The following CA12 variants were observed in gnomAD, a reference collection of about 807,000 sequenced individuals.
CA12 encodes the protein carbonic anhydrase 12.
CA12 carries 36 observed loss-of-function variants against 46.8 expected under a neutral mutation model. The observed-to-expected ratio is 0.77, with a 90% CI of 0.59 to 1.02. The LOEUF (loss-of-function observed/expected upper bound fraction) is 1.02. Among genes scored for constraint, CA12 ranks in the 50% least tolerant of loss-of-function variants. The pLI, the probability that CA12 is intolerant of heterozygous loss-of-function variation, is 0.00. For synonymous variants in CA12, 202 were observed against 187.0 expected (o/e 1.08, Z -0.65); for missense variants, 436 against 451.4 (o/e 0.97, Z 0.31).
rs566593715 is a variant in CA12 at position 63,356,637 on chromosome 15, C to T, written c.107-9928G>A. 9.7e-4 allele frequency among the ~76,000 whole-genome samples: 148 copies of T among 152,054 alleles called. 1 individual carries two copies. In the Middle Eastern group the frequency reaches 0.027, roughly 28 times the overall value. ...TCCTGGGTTCAAGCGATTCTCGTGC[C>T]TCAGCCTCTCACGTAGCTGGGATTA... On this transcript the variant is annotated intron_variant, in intron 2 of 10. Transcript: ENST00000178638.
In CA12 at chr15:63,330,266, C is replaced by T. The variant is rs1307275572; in HGVS notation, c.875-2136G>A. Among the ~76,000 whole-genome samples, 1 of 152,186 alleles carries T rather than the reference C, an allele frequency of 6.6e-6. No individual in the cohort carries two copies. Among genetic ancestry groups the T allele is most frequent in the African/African-American group, 2.4e-5 (1 of 41,442 alleles). ...AGCACAAGCTCTGTTTCCTGCAGGGCCTGTGGCCTCTGCACAGTGGAACTT... is the reference window on the plus strand; with the variant it reads ...AGCACAAGCTCTGTTTCCTGCAGGGTCTGTGGCCTCTGCACAGTGGAACTT... On this transcript the variant is annotated intron_variant, in intron 8 of 10. Transcript: ENST00000178638. The surrounding 1 kb of genome is among the most constrained non-coding windows in gnomAD (Gnocchi z 4.0).
Position 63,343,887 on chromosome 15 carries a change from A to G in CA12, c.429+1590T>C, listed in dbSNP as rs543112333. ...CAAGCTGGGAGCTGCCTCCCATTCT[A>G]TTCCTAAATAAGACGGCTACAAAGA... On this transcript the variant is annotated intron_variant, in intron 4 of 10. Coordinates refer to ENST00000178638, the MANE Select transcript of CA12 (RefSeq NM_001218.5). 2.0e-5 allele frequency among the ~76,000 whole-genome samples: 3 copies of G among 152,258 alleles called. No individual in the cohort carries two copies. In the South Asian group the frequency reaches 6.2e-4, roughly 32 times the overall value.
rs1427706127 is a variant in CA12 at position 63,378,482 on chromosome 15, A to T, written c.86-2804T>A. 2.6e-5 allele frequency among the ~76,000 whole-genome samples: 4 copies of T among 152,326 alleles called. No individual in the cohort carries two copies. In the East Asian group the frequency reaches 7.7e-4, roughly 29 times the overall value. ...CTCCCCTGAAACCAGCTATGGGTGCATTGAGAGTTGAGGGTCCCAAGATCA... is the reference window on the plus strand; with the variant it reads ...CTCCCCTGAAACCAGCTATGGGTGCTTTGAGAGTTGAGGGTCCCAAGATCA... On this transcript the variant is annotated intron_variant, in intron 1 of 10. Transcript: ENST00000178638. The surrounding 1 kb of genome is among the most constrained non-coding windows in gnomAD (Gnocchi z 4.8).
rs2038888406 is a variant in CA12, at chr15:63,327,890, A to G, written c.907+208T>C. The stretch of plus-strand genomic sequence containing the variant: ...GGTTCTTTGAATACACACATGCTGT[A>G]GAGTGATTGGATCTTTCATTAGAGG... On this transcript the variant is annotated intron_variant, in intron 9 of 10. Coordinates refer to ENST00000178638, the MANE Select transcript of CA12 (RefSeq NM_001218.5). This position sits in a 1 kb window ranked among gnomAD's most constrained non-coding sequence, Gnocchi z 4.5. Among the ~76,000 whole-genome samples the G allele has an allele frequency of 6.6e-6, 1 of 152,240 alleles. No individual in the cohort carries two copies. Among genetic ancestry groups the G allele is most frequent in the Non-Finnish European group, 1.5e-5 (1 of 68,040 alleles).
chr15:63,333,011 T>C (rs1344828932), intron 8 of CA12, among the ~76,000 whole-genome samples: 4 of 152,234 alleles, frequency 2.6e-5, no homozygotes, highest in Non-Finnish European at 2.9e-5. Flanking sequence ...TCAAGTAACA[T>C]AACAGAGATG....
Position 63,355,296 on chromosome 15 carries a change from A to T in CA12, c.107-8587T>A, listed in dbSNP as rs973754020. On this transcript the variant is annotated intron_variant, in intron 2 of 10. Transcript: ENST00000178638. This position sits in a 1 kb window ranked among gnomAD's most constrained non-coding sequence, Gnocchi z 4.1. ...GGGTTTCCCCCTCTTCTGTGCTCCTATACAGCCTTTGCATTTCTCTTCCTT... is the reference window on the plus strand; with the variant it reads ...GGGTTTCCCCCTCTTCTGTGCTCCTTTACAGCCTTTGCATTTCTCTTCCTT... 6.6e-6 allele frequency among the ~76,000 whole-genome samples: 1 copy of T among 152,090 alleles called. No individual in the cohort carries two copies. Among genetic ancestry groups the T allele is most frequent in the African/African-American group, 2.4e-5 (1 of 41,398 alleles).
intron 2 of CA12, among the ~76,000 whole-genome samples, chr15:63,357,861 T>TG (rs1237744217): frequency 1.3e-5 from 2 of 152,198 alleles, no homozygotes; most frequent in African/African-American, 2.4e-5. Flanking sequence ...ACCACTAATC[T>TG]GCTCTCTGCC....
In CA12 at chr15:63,373,966, C is replaced by T. The variant is rs979543320; in HGVS notation, c.106+1692G>A. 6.6e-6 allele frequency among the ~76,000 whole-genome samples: 1 copy of T among 152,194 alleles called. No individual in the cohort carries two copies. The highest frequency in any genetic ancestry group is 1.5e-5 in the Non-Finnish European group (1 of 68,030). On this transcript the variant is annotated intron_variant, in intron 2 of 10. Coordinates refer to ENST00000178638, the MANE Select transcript of CA12 (RefSeq NM_001218.5). This position sits in a 1 kb window ranked among gnomAD's most constrained non-coding sequence, Gnocchi z 4.9. ...TCTCTTATCCTGGCCTGGCCTTCCC[C>T]CTCACTGCCACCACTGTAAACTGGA...
At chr15:63,376,341 C>G (rs1187609480) in intron 1 of CA12, among the ~76,000 whole-genome samples, 1 of 152,194 alleles carries the variant, frequency 6.6e-6, no homozygotes, top group East Asian at 1.9e-4. Context: ...AGTAGAAGCT[C>G]TTCTTCCCAC....
At chr15:63,360,604 C>T (rs1057338888) in intron 2 of CA12, among the ~76,000 whole-genome samples, 1 of 152,164 alleles carries the variant, frequency 6.6e-6, no homozygotes, top group African/African-American at 2.4e-5. Context: ...CTTTTTAGGG[C>T]CTCTGTTGCC....
intron 2 of CA12, among the ~76,000 whole-genome samples, chr15:63,347,143 T>C (rs1293788414): frequency 3.3e-5 from 5 of 152,230 alleles, no homozygotes; most frequent in Non-Finnish European, 7.3e-5. Flanking sequence ...GGGAAGAATT[T>C]AGCAAATCTG....
At chr15:63,338,022 AGAGGG>A (rs1431961154) in intron 8 of CA12, among the ~76,000 whole-genome samples, 21 of 152,212 alleles carry the variant, frequency 1.4e-4, no homozygotes, top group Non-Finnish European at 4.4e-5. Context: ...AGAGGTCTGA[AGAGGG>A]GTGTGGGCCC....
At position 63,345,163 on chromosome 15, in the gene CA12, A is replaced by G. The variant is rs572479603; in HGVS notation, c.429+314T>C. On this transcript the variant is annotated intron_variant, in intron 4 of 10. Transcript: ENST00000178638. The surrounding 1 kb of genome is among the most constrained non-coding windows in gnomAD (Gnocchi z 4.3). Reference sequence around the variant, plus strand: ...GGAGATTTTTATCTGCACAGATAGGAAGGCAATGTCTAAAAGAAGGGCATG... The same window carrying G: ...GGAGATTTTTATCTGCACAGATAGGGAGGCAATGTCTAAAAGAAGGGCATG... 2.8e-4 allele frequency among the ~76,000 whole-genome samples: 42 copies of G among 152,312 alleles called. No individual in the cohort carries two copies. Among genetic ancestry groups the G allele is most frequent in the Non-Finnish European group, 5.6e-4 (38 of 68,026 alleles).
At position 63,372,583 on chromosome 15, in the gene CA12, C is replaced by T. The variant is rs2039520913; in HGVS notation, c.106+3075G>A. Among the ~76,000 whole-genome samples, 1 of 152,224 alleles carries T rather than the reference C, an allele frequency of 6.6e-6. No homozygotes were observed. The highest frequency in any genetic ancestry group is 1.5e-5 in the Non-Finnish European group (1 of 68,038). ...AAGCTGAGTTCTGCACATGAGCCAC[C>T]ATGCCCAGCACGGAGCCTTTGGTTG... On this transcript the variant is annotated intron_variant, in intron 2 of 10. Coordinates refer to ENST00000178638, the MANE Select transcript of CA12 (RefSeq NM_001218.5). The surrounding 1 kb of genome is among the most constrained non-coding windows in gnomAD (Gnocchi z 4.5).
chr15:63,359,624 T>A (rs1334822053), intron 2 of CA12, among the ~76,000 whole-genome samples: 1 of 152,190 alleles, frequency 6.6e-6, no homozygotes, highest in African/African-American at 2.4e-5. Context: ...AAGATCTATA[T>A]GCTATATGCT....
chr15:63,335,803 TCA>T (rs1240914496), intron 8 of CA12, among the ~76,000 whole-genome samples: 2 of 152,162 alleles, frequency 1.3e-5, no homozygotes, highest in African/African-American at 4.8e-5. Context: ...TGACAAAGTC[TCA>T]CACCGTAAAC....
intron 2 of CA12, among the ~76,000 whole-genome samples, chr15:63,351,572 C>T (rs1488596671): frequency 6.6e-6 from 1 of 152,212 alleles, no homozygotes; most frequent in South Asian, 2.1e-4. Flanking sequence ...TCAGCCAGCT[C>T]CCTGAGCCTA....
intron 8 of CA12, among the ~76,000 whole-genome samples, chr15:63,334,383 G>A (rs2038973000): frequency 6.6e-6 from 1 of 150,622 alleles, no homozygotes; most frequent in African/African-American, 2.4e-5. Flanking sequence ...AGCCTCCACA[G>A]TAGATGGGAC....
intron 2 of CA12, among the ~76,000 whole-genome samples, chr15:63,362,658 T>C (rs1443972996): frequency 6.6e-6 from 1 of 152,236 alleles, no homozygotes; most frequent in East Asian, 1.9e-4. Flanking sequence ...AAAGTGAAGA[T>C]TGGCCGCTGG....
Sources: gnomAD v4.1 joint callset for allele counts (sites outside exome capture counted in the v4.1 genomes callset) on GRCh38, gnomAD v4.1.1 for gene constraint, Gnocchi (gnomAD v3.1) non-coding constraint, MANE v1.5 for transcripts, NCBI Gene and HGNC (gene_info 2026-07-23, HGNC 2026-07-21) for gene names.